Variants in PET117 observed in about 807,000 individuals in gnomAD.
PET117 encodes PET117 cytochrome c oxidase chaperone.
In PET117, 10 loss-of-function variants were observed where a neutral mutation model predicts 9.2. The observed-to-expected ratio is 1.09, with a 90% CI of 0.67 to 1.85. PET117 has a LOEUF of 1.85. Among genes scored for constraint, PET117 ranks in the 40% most tolerant of loss-of-function variants. The pLI, the probability that PET117 is intolerant of heterozygous loss-of-function variation, is 0.00. For missense variants in PET117, 96 were observed against 98.2 expected (o/e 0.98, Z 0.09); for synonymous variants, 43 against 37.1 (o/e 1.16, Z -0.57).
chr20:18,140,519 C>A (rs2037492671), intron 1 of PET117, among the ~76,000 whole-genome samples: 1 of 152,024 alleles, frequency 6.6e-6, no homozygotes, highest in South Asian at 2.1e-4. Context: ...CTATTAAAAA[C>A]CATTTATTGG....
At chr20:18,138,425 G>T (rs971187920) in intron 1 of PET117, 50 of 1,008,246 alleles carry the variant, frequency 5.0e-5, no homozygotes, top group Non-Finnish European at 1.8e-5. Flanking sequence ...CATCTCACTT[G>T]GGCCGCTAGA....
At position 18,141,052 on chromosome 20, in the gene PET117, T is replaced by A. The variant is rs868777319; in HGVS notation, c.97-1156T>A. ...TTTTTTTTTTTTTTTTTTTTATTTT[T>A]ATTTTTGCTAGAGATGGGATTTTGC... On this transcript the variant is annotated intron_variant, in intron 1 of 1. Coordinates refer to ENST00000432901, the MANE Select transcript of PET117 (RefSeq NM_001164811.2). Among the ~76,000 whole-genome samples the A allele has an allele frequency of 4.0e-3, 238 of 59,284 alleles. 5 individuals are homozygous for A. The South Asian group carries it at 0.11, about 28-fold the overall frequency. The allele number at this position is 59,284 out of a possible 152,430, so 38.9% of individuals were successfully genotyped here. A position where few individuals can be genotyped will look rare whatever the true frequency, so the allele number is the denominator to read the frequency against.
In PET117 at chr20:18,137,946, C is replaced by A; in HGVS notation, c.-10C>A. 7 of 1,480,118 alleles carry A rather than the reference C, an allele frequency of 4.7e-6. No homozygotes were observed. The highest frequency in any genetic ancestry group is 2.5e-5 in the South Asian group (2 of 78,984). 91.7% of individuals were successfully genotyped at this position (1,480,118 alleles called of 1,614,324 possible). On this transcript the variant is annotated 5_prime_UTR_variant, in exon 1 of 2. Coordinates refer to ENST00000432901, the MANE Select transcript of PET117 (RefSeq NM_001164811.2). Reference sequence around the variant, plus strand: ...GGCGGGAGAGAGAGGCCGCGGCCGCCAGCGTGGGGATGTCTAGGAGCTCGA... The same window carrying A: ...GGCGGGAGAGAGAGGCCGCGGCCGCAAGCGTGGGGATGTCTAGGAGCTCGA...
chr20:18,142,502 T>G lies in PET117; in HGVS notation c.*145T>G. Reference sequence around the variant, plus strand: ...ATAAAGGACAGTGGGTCATATAAGTTACTGCTTTCAGGGTCCCTTATATCT... The same window carrying G: ...ATAAAGGACAGTGGGTCATATAAGTGACTGCTTTCAGGGTCCCTTATATCT... On this transcript the variant is annotated 3_prime_UTR_variant, in exon 2 of 2. Transcript: ENST00000432901. The G allele has an allele frequency of 6.9e-7, 1 of 1,457,292 alleles. No homozygotes were observed. The highest frequency in any genetic ancestry group is 9.0e-7 in the Non-Finnish European group (1 of 1,108,376). The allele number at this position is 1,457,292 out of a possible 1,614,324, so 90.3% of individuals were successfully genotyped here.
chr20:18,138,285 C>T, intron 1 of PET117: 2 of 1,212,314 alleles, frequency 1.6e-6, no homozygotes, highest in South Asian at 3.6e-5. Flanking sequence ...ACCCGGCTGC[C>T]CGGCTTAGCG....
At chr20:18,141,702 G>C (rs965084986) in intron 1 of PET117, among the ~76,000 whole-genome samples, 3 of 152,214 alleles carry the variant, frequency 2.0e-5, no homozygotes, top group African/African-American at 7.2e-5. Context: ...TGGCTGACGT[G>C]GTGAAACCCC....
In PET117 at chr20:18,140,634, A is replaced by AC. The variant is rs566138933; in HGVS notation, c.97-1570dup. 1.1e-4 allele frequency among the ~76,000 whole-genome samples: 17 copies of AC among 151,656 alleles called. No individual in the cohort carries two copies. The East Asian group carries it at 2.2e-3, about 19-fold the overall frequency. On this transcript the variant is annotated intron_variant, in intron 1 of 1. Coordinates refer to ENST00000432901, the MANE Select transcript of PET117 (RefSeq NM_001164811.2). ...AGACCAGCCTGGCCAACGTGGTGAA[A>AC]CCCCGTCTCTACTAAAAATACAAAA...
intron 1 of PET117, 83 bp from the exon 2 acceptor site, chr20:18,142,125 A>G (rs909206982): frequency 6.2e-5 from 84 of 1,362,948 alleles, no homozygotes; most frequent in Non-Finnish European, 7.6e-5. Flanking sequence ...TATTTTGGTA[A>G]CACTGTTATT....
chr20:18,138,202 G>C, intron 1 of PET117, 151 bp downstream of exon 1: 1 of 1,268,006 alleles, frequency 7.9e-7, no homozygotes, highest in Non-Finnish European at 9.9e-7. Flanking sequence ...TGCGGCTGCG[G>C]CCGGCGGCCG....
Position 18,142,324 on chromosome 20 carries a change from G to C in PET117, c.213G>C (p.Lys71Asn). ...LTEQLEAERE[K>N]MLLAKGSQKS ...AGCAACTTGAAGCAGAAAGAGAGAA[G>C]ATGTTATTGGCAAAAGGATCTCAAA... is the stretch of plus-strand genomic sequence containing the variant. Residue 71 changes from lysine to asparagine, a missense_variant, in exon 2 of 2, where the codon AAG becomes AAC. Lys to Asn is a moderately conservative substitution (Grantham distance 94, BLOSUM62 0). Coordinates refer to ENST00000432901, the MANE Select transcript of PET117 (RefSeq NM_001164811.2). The C allele has an allele frequency of 6.5e-7, 1 of 1,536,780 alleles. No homozygotes were observed. Among genetic ancestry groups the C allele is most frequent in the African/African-American group, 1.4e-5 (1 of 73,146 alleles).
chr20:18,137,960 C>G lies in PET117; in HGVS notation c.5C>G (p.Ser2Cys), dbSNP rs1207079914. The change falls in exon 1 of 2, where the codon TCT (serine) becomes TGT (cysteine). Residue 2 changes from serine (S) to cysteine (C), a missense_variant. By Grantham distance (112) the Ser-to-Cys change is moderately radical. Transcript: ENST00000432901. M[S>C]RSSKVVLGLS... ...GCCGCGGCCGCCAGCGTGGGGATGTCTAGGAGCTCGAAGGTGGTGCTGGGC... is the reference window on the plus strand; with the variant it reads ...GCCGCGGCCGCCAGCGTGGGGATGTGTAGGAGCTCGAAGGTGGTGCTGGGC... 2 of 1,493,684 alleles carry G rather than the reference C, an allele frequency of 1.3e-6. No homozygotes were observed. The highest frequency in any genetic ancestry group is 4.5e-5 in the Admixed American group (2 of 44,578). 92.5% of individuals were successfully genotyped at this position (1,493,684 alleles called of 1,614,324 possible). A position where few individuals can be genotyped will look rare whatever the true frequency, so the allele number is the denominator to read the frequency against.
Position 18,141,051 on chromosome 20 carries a change from T to TTTTTTTTTTTG in PET117, c.97-1156_97-1155insTTTTTTTTTGT, listed in dbSNP as rs58888387. Among the ~76,000 whole-genome samples the TTTTTTTTTTTG allele has an allele frequency of 1.9e-3, 211 of 109,644 alleles. 8 individuals are homozygous for TTTTTTTTTTTG. The highest frequency in any genetic ancestry group is 5.3e-3 in the Middle Eastern group (1 of 190). 71.9% of individuals were successfully genotyped at this position (109,644 alleles called of 152,430 possible). ...TTTTTTTTTTTTTTTTTTTTTATTT[T>TTTTTTTTTTTG]TATTTTTGCTAGAGATGGGATTTTG... On this transcript the variant is annotated intron_variant, in intron 1 of 1. Transcript: ENST00000432901.
intron 1 of PET117, among the ~76,000 whole-genome samples, chr20:18,139,229 T>G (rs2037426301): frequency 6.6e-6 from 1 of 152,194 alleles, no homozygotes; most frequent in Non-Finnish European, 1.5e-5. Flanking sequence ...GGGATTAAAA[T>G]GTGCTCCTAA....
intron 1 of PET117, among the ~76,000 whole-genome samples, chr20:18,139,272 TC>T (rs2037428700): frequency 1.3e-5 from 2 of 152,300 alleles, no homozygotes; most frequent in Admixed American, 6.5e-5. Context: ...GCAGAAGACT[TC>T]CGCCTCTTAC....
At chr20:18,138,251 TGTGC>T in intron 1 of PET117, 200 bp downstream of exon 1, 1 of 1,236,844 alleles carries the variant, frequency 8.1e-7, no homozygotes, top group Admixed American at 4.3e-5. Context: ...CCGGCGGGCG[TGTGC>T]AGCCCGCAGA....
At chr20:18,138,266 T>C (rs1357363344) in intron 1 of PET117, 1 of 1,227,798 alleles carries the variant, frequency 8.1e-7, no homozygotes, top group African/African-American at 1.6e-5. Context: ...AGCCCGCAGA[T>C]TCAGGACGAC....
Position 18,142,990 on chromosome 20 carries a change from A to T in PET117, c.*633A>T. On this transcript the variant is annotated 3_prime_UTR_variant, in exon 2 of 2. Transcript: ENST00000432901. ...GGTTTGTTTTTCCAACCTGTGAAAG[A>T]AACGTGAATGTAAAAGAGACCTAAA... 6.4e-7 allele frequency: 1 copy of T among 1,571,666 alleles called. No homozygotes were observed. The highest frequency in any genetic ancestry group is 8.7e-7 in the Non-Finnish European group (1 of 1,154,744).
Position 18,142,896 on chromosome 20 carries a change from A to G in PET117, c.*539A>G. On this transcript the variant is annotated 3_prime_UTR_variant, in exon 2 of 2. Coordinates refer to ENST00000432901, the MANE Select transcript of PET117 (RefSeq NM_001164811.2). ...GAGCAGCTGTCCTACTTCTGTGACA[A>G]GTGCCAAAAATGGATACCAGCCAGT... 6.2e-7 allele frequency: 1 copy of G among 1,614,094 alleles called. No individual in the cohort carries two copies. The highest frequency in any genetic ancestry group is 2.2e-5 in the East Asian group (1 of 44,876).
chr20:18,138,085 C>T, intron 1 of PET117, 34 bp downstream of exon 1: 1 of 1,436,218 alleles, frequency 7.0e-7, no homozygotes, highest in South Asian at 1.4e-5. Flanking sequence ...TCCGGGCCCG[C>T]GCGCGCGGCG....
Sources: allele counts gnomAD v4.1 joint callset (sites outside exome capture counted in the v4.1 genomes callset), GRCh38; gene constraint gnomAD v4.1.1; transcripts MANE v1.5; gene names NCBI Gene and HGNC (gene_info 2026-07-23, HGNC 2026-07-21).